RGL2: variants seen among roughly 807,000 people sequenced by gnomAD.
RGL2 encodes the protein ral guanine nucleotide dissociation stimulator like 2.
In RGL2, 40 loss-of-function variants were observed where a neutral mutation model predicts 84.6. That is an observed-to-expected ratio of 0.47 (90% CI 0.37 to 0.62). The LOEUF (loss-of-function observed/expected upper bound fraction) is 0.62. Ranked by LOEUF, RGL2 falls within the 20% of genes least tolerant of loss-of-function variation. RGL2 has a pLI of 0.00. For synonymous variants in RGL2, 369 were observed against 417.3 expected, an observed-to-expected ratio of 0.88 and a Z score of 1.41; for missense variants, 865 against 1,019.7, an observed-to-expected ratio of 0.85 and a Z score of 2.07.
chr6:33,292,801 A>G (rs983895112), intron 16 of RGL2, among the ~76,000 whole-genome samples: 1 of 152,264 alleles, frequency 6.6e-6, no homozygotes, highest in African/African-American at 2.4e-5. Context: ...AGGTGTAGCA[A>G]CTAATGCAAA....
In RGL2 at chr6:33,297,000, T is replaced by A; in HGVS notation, c.240+32A>T. On this transcript the variant is annotated intron_variant, in intron 3 of 17. Transcript: ENST00000497454. This position sits in a 1 kb window ranked among gnomAD's most constrained non-coding sequence, Gnocchi z 5.0. ...AGGAAGGAAAACTGGGAATGAAGAGTCAGAGGTGAGAAGCTAAAGTCATGA... is the reference window on the plus strand; with the variant it reads ...AGGAAGGAAAACTGGGAATGAAGAGACAGAGGTGAGAAGCTAAAGTCATGA... 2 of 1,591,542 alleles carry A rather than the reference T, an allele frequency of 1.3e-6. No individual in the cohort carries two copies. Among genetic ancestry groups the A allele is most frequent in the Non-Finnish European group, 1.7e-6 (2 of 1,165,666 alleles).
chr6:33,294,902 G>C lies in RGL2; in HGVS notation c.1278+75C>G. ...TGTGCCTCCCTTACCCATCCTTCAGGCTGCTCCCCCAAAACATACTCCTCA... is the reference window on the plus strand; with the variant it reads ...TGTGCCTCCCTTACCCATCCTTCAGCCTGCTCCCCCAAAACATACTCCTCA... On this transcript the variant is annotated intron_variant, in intron 10 of 17. Coordinates refer to ENST00000497454, the MANE Select transcript of RGL2 (RefSeq NM_004761.5). The surrounding 1 kb of genome is among the most constrained non-coding windows in gnomAD (Gnocchi z 5.0). 2.0e-6 allele frequency: 3 copies of C among 1,511,846 alleles called. No individual in the cohort carries two copies. Among genetic ancestry groups the C allele is most frequent in the South Asian group, 1.2e-5 (1 of 82,808 alleles). The allele number at this position is 1,511,846 out of a possible 1,614,324, so 93.7% of individuals were successfully genotyped here. A position where few individuals can be genotyped will look rare whatever the true frequency, so the allele number is the denominator to read the frequency against.
chr6:33,298,108 C>A lies in RGL2; in HGVS notation c.156+347G>T. The A allele has an allele frequency of 5.3e-6, 1 of 190,382 alleles. No homozygotes were observed. The highest frequency in any genetic ancestry group is 1.1e-5 in the Non-Finnish European group (1 of 92,630). The allele number at this position is 190,382 out of a possible 1,614,324, so 11.8% of individuals were successfully genotyped here. A position where few individuals can be genotyped will look rare whatever the true frequency, so the allele number is the denominator to read the frequency against. On this transcript the variant is annotated intron_variant, in intron 2 of 17. Transcript: ENST00000497454. This position sits in a 1 kb window ranked among gnomAD's most constrained non-coding sequence, Gnocchi z 4.8. ...GGTTACTGTGGAAACAAACCCCTCC[C>A]CGCCAAACAAAAACAAGGAGGGAGA...
chr6:33,293,154 C>A lies in RGL2; in HGVS notation c.1869G>T (p.Pro623=). ...AGGCCTCTTCTGCACCCCCACTCAGCGGGGAGCCACAGGAGGCTGAGCGGC... is the reference window on the plus strand; with the variant it reads ...AGGCCTCTTCTGCACCCCCACTCAGAGGGGAGCCACAGGAGGCTGAGCGGC... ...GHRRSASCGS[P]LSGGAEEASG... Residue 623 remains proline (P), a synonymous_variant, in exon 16 of 18, where the codon CCG becomes CCT. Transcript: ENST00000497454. The surrounding 1 kb of genome is among the most constrained non-coding windows in gnomAD (Gnocchi z 7.0). 6.2e-7 allele frequency: 1 copy of A among 1,609,246 alleles called. No individual in the cohort carries two copies. The highest frequency in any genetic ancestry group is 8.5e-7 in the Non-Finnish European group (1 of 1,177,834).
At position 33,297,167 on chromosome 6, in the gene RGL2, C is replaced by A; in HGVS notation, c.157-52G>T. On this transcript the variant is annotated intron_variant, in intron 2 of 17. Coordinates refer to ENST00000497454, the MANE Select transcript of RGL2 (RefSeq NM_004761.5). The surrounding 1 kb of genome is among the most constrained non-coding windows in gnomAD (Gnocchi z 4.0). ...GACAGTTCCACACCACCCCCCATTG[C>A]CCTCAGCCTTCACCCCAGGCCCTGC... 7.1e-7 allele frequency: 1 copy of A among 1,403,578 alleles called. No individual in the cohort carries two copies. 86.9% of individuals were successfully genotyped at this position (1,403,578 alleles called of 1,614,324 possible). A position where few individuals can be genotyped will look rare whatever the true frequency, so the allele number is the denominator to read the frequency against.
Position 33,296,288 on chromosome 6 carries a change from G to C in RGL2, c.508C>G (p.His170Asp). 1 of 1,613,628 alleles carries C rather than the reference G, an allele frequency of 6.2e-7. No homozygotes were observed. The highest frequency in any genetic ancestry group is 8.5e-7 in the Non-Finnish European group (1 of 1,179,670). The change falls in exon 6 of 18, where the codon CAC becomes GAC. Residue 170 changes from histidine to aspartate, a missense_variant. His to Asp is a moderately conservative substitution (Grantham distance 81, BLOSUM62 -1). Around this residue, in one of 5 missense-constraint regions of RGL2, gnomAD observed 455 missense variants for 507.8 expected, o/e 0.90. Transcript: ENST00000497454. This position sits in a 1 kb window ranked among gnomAD's most constrained non-coding sequence, Gnocchi z 5.0. ...GCCTCAGAGCCAAAATCCTCAGGGT[G>C]AGAGGCCAGCCAGGTTGACAGTACA... is the stretch of plus-strand genomic sequence containing the variant. Reference protein sequence around the residue: ...ISVLSTWLASHPEDFGSEAKG... With the variant: ...ISVLSTWLASDPEDFGSEAKG...
Position 33,297,219 on chromosome 6 carries a change from G to T in RGL2, c.157-104C>A. 1.1e-6 allele frequency: 1 copy of T among 876,158 alleles called. No homozygotes were observed. Among genetic ancestry groups the T allele is most frequent in the Non-Finnish European group, 1.8e-6 (1 of 568,890 alleles). The allele number at this position is 876,158 out of a possible 1,614,324, so 54.3% of individuals were successfully genotyped here. The stretch of plus-strand genomic sequence containing the variant: ...CCTCCCTCTGTACCCCTCACCTGTG[G>T]TGGCAGGGCATAGTACCAGCGAGTG... On this transcript the variant is annotated intron_variant, in intron 2 of 17. Transcript: ENST00000497454. This position sits in a 1 kb window ranked among gnomAD's most constrained non-coding sequence, Gnocchi z 4.0.
rs966179675 is a variant in RGL2 at position 33,297,808 on chromosome 6, G to A, written c.156+647C>T. On this transcript the variant is annotated intron_variant, in intron 2 of 17. Coordinates refer to ENST00000497454, the MANE Select transcript of RGL2 (RefSeq NM_004761.5). This position sits in a 1 kb window ranked among gnomAD's most constrained non-coding sequence, Gnocchi z 4.0. ...TCAACCTGCCCTCACCTAGGATCTG[G>A]ACCTAGGAGTTTAGGGCCTCGGGGC... 1 of 152,422 alleles carries A rather than the reference G, an allele frequency of 6.6e-6. No homozygotes were observed. Among genetic ancestry groups the A allele is most frequent in the African/African-American group, 2.4e-5 (1 of 41,552 alleles). The allele number at this position is 152,422 out of a possible 1,614,324, so 9.4% of individuals were successfully genotyped here. A position where few individuals can be genotyped will look rare whatever the true frequency, so the allele number is the denominator to read the frequency against.
chr6:33,297,321 G>A lies in RGL2; in HGVS notation c.157-206C>T. 7.8e-6 allele frequency: 4 copies of A among 511,802 alleles called. No individual in the cohort carries two copies. The highest frequency in any genetic ancestry group is 1.0e-5 in the Non-Finnish European group (3 of 291,366). The allele number at this position is 511,802 out of a possible 1,614,324, so 31.7% of individuals were successfully genotyped here. ...AGACAGCCCCACCCCAGCCGCCTCA[G>A]GGCCCCGGTGGAGTCGAAGGGGCTG... On this transcript the variant is annotated intron_variant, in intron 2 of 17. Coordinates refer to ENST00000497454, the MANE Select transcript of RGL2 (RefSeq NM_004761.5). This position sits in a 1 kb window ranked among gnomAD's most constrained non-coding sequence, Gnocchi z 4.0.
rs1455677809 is a variant in RGL2, at chr6:33,298,158, G to C, written c.156+297C>G. The C allele has an allele frequency of 9.4e-6, 3 of 318,282 alleles. No homozygotes were observed. The highest frequency in any genetic ancestry group is 1.8e-5 in the Non-Finnish European group (3 of 170,292). The allele number at this position is 318,282 out of a possible 1,614,324, so 19.7% of individuals were successfully genotyped here. A position where few individuals can be genotyped will look rare whatever the true frequency, so the allele number is the denominator to read the frequency against. ...ACAGGGACCAAGACACGACTGCTCA[G>C]AGAGGTAGGCACACTCAGGCAGGCA... On this transcript the variant is annotated intron_variant, in intron 2 of 17. Coordinates refer to ENST00000497454, the MANE Select transcript of RGL2 (RefSeq NM_004761.5). This position sits in a 1 kb window ranked among gnomAD's most constrained non-coding sequence, Gnocchi z 4.8.
In RGL2 at chr6:33,293,880, T is replaced by C; in HGVS notation, c.1423A>G (p.Asn475Asp). 1.9e-6 allele frequency: 3 copies of C among 1,614,032 alleles called. 1 individual carries two copies. The highest frequency in any genetic ancestry group is 3.3e-4 in the Middle Eastern group (2 of 6,062). The change falls in exon 13 of 18, where the codon AAT (asparagine) becomes GAT (aspartate). Residue 475 changes from asparagine (N) to aspartate (D), a missense_variant. Transcript: ENST00000497454. The surrounding 1 kb of genome is among the most constrained non-coding windows in gnomAD (Gnocchi z 7.0). Reference protein sequence around the residue: ...AVLSELRRLQNECRGYNLQPD... With the variant: ...AVLSELRRLQDECRGYNLQPD... ...TGGAGGTTATAGCCACGACATTCATTCTGGAGCCGTCGCAACTCAGAAAGG... is the reference window on the plus strand; with the variant it reads ...TGGAGGTTATAGCCACGACATTCATCCTGGAGCCGTCGCAACTCAGAAAGG...
chr6:33,296,979 A>G lies in RGL2; in HGVS notation c.240+53T>C. ...TCTGGCCAGAAAGTCAGCCAGAGGAAGGAAAACTGGGAATGAAGAGTCAGA... is the reference window on the plus strand; with the variant it reads ...TCTGGCCAGAAAGTCAGCCAGAGGAGGGAAAACTGGGAATGAAGAGTCAGA... On this transcript the variant is annotated intron_variant, in intron 3 of 17. Transcript: ENST00000497454. This position sits in a 1 kb window ranked among gnomAD's most constrained non-coding sequence, Gnocchi z 5.0. 1 of 1,583,070 alleles carries G rather than the reference A, an allele frequency of 6.3e-7. No homozygotes were observed. Among genetic ancestry groups the G allele is most frequent in the South Asian group, 1.1e-5 (1 of 89,992 alleles).
Position 33,295,567 on chromosome 6 carries a change from G to T in RGL2, c.961C>A (p.Arg321=). 1 of 1,613,932 alleles carries T rather than the reference G, an allele frequency of 6.2e-7. No homozygotes were observed. The highest frequency in any genetic ancestry group is 1.1e-5 in the South Asian group (1 of 91,084). ...GCCCTCTGTGGGGGACGGAGTGGCCGTATGGTCACCTCCCCAGGTCCCTCT... is the reference window on the plus strand; with the variant it reads ...GCCCTCTGTGGGGGACGGAGTGGCCTTATGGTCACCTCCCCAGGTCCCTCT... ...TGEGPGEVTI[R]PLRPPQRARL... is the part of the protein sequence containing the mutation. The change falls in exon 7 of 18, where the codon CGG becomes AGG. Residue 321 remains arginine, a synonymous_variant. Transcript: ENST00000497454. This position sits in a 1 kb window ranked among gnomAD's most constrained non-coding sequence, Gnocchi z 7.2.
chr6:33,295,756 G>T lies in RGL2; in HGVS notation c.772C>A (p.Leu258Ile), dbSNP rs768585676. 2 of 1,613,060 alleles carry T rather than the reference G, an allele frequency of 1.2e-6. No individual in the cohort carries two copies. Among genetic ancestry groups the T allele is most frequent in the Non-Finnish European group, 1.7e-6 (2 of 1,179,614 alleles). Residue 258 changes from leucine (L) to isoleucine (I), a missense_variant, in exon 7 of 18, where the codon CTT (leucine) becomes ATT (isoleucine). Physicochemically the swap from Leu to Ile is conservative, Grantham distance 5 (BLOSUM62 2). Around this residue, in one of 5 missense-constraint regions of RGL2, gnomAD observed 455 missense variants for 507.8 expected, o/e 0.90. Coordinates refer to ENST00000497454, the MANE Select transcript of RGL2 (RefSeq NM_004761.5). The surrounding 1 kb of genome is among the most constrained non-coding windows in gnomAD (Gnocchi z 7.2). ...TGAGAGGGGATCAAATTGAGAAAAA[G>T]TTCCTGCAGGGTAGAGGTCAGAGGT... The part of the protein sequence containing the change: ...AEQLTLLDAE[L>I]FLNLIPSQCL...
chr6:33,296,103 A>C lies in RGL2; in HGVS notation c.693T>G (p.Asp231Glu), dbSNP rs200319600. 136 of 1,613,392 alleles carry C rather than the reference A, an allele frequency of 8.4e-5. 1 individual carries two copies. In the East Asian group the frequency reaches 2.7e-3, roughly 33 times the overall value. ...DLPKPLALPG[D>E]PPADPTDVLV... ...GGACATCCGTGGGGTCAGCAGGGGG[A>C]TCGCCGGGGAGGGCCAGGGGCTTAG... Residue 231 changes from aspartate to glutamate, a missense_variant, in exon 6 of 18, where the codon GAT (aspartate) becomes GAG (glutamate). Physicochemically the swap from Asp to Glu is conservative, Grantham distance 45. Transcript: ENST00000497454. The surrounding 1 kb of genome is among the most constrained non-coding windows in gnomAD (Gnocchi z 5.0).
rs773758886 is a variant in RGL2, at chr6:33,294,060, A to G, written c.1360T>C (p.Tyr454His). 6.2e-7 allele frequency: 1 copy of G among 1,611,100 alleles called. No individual in the cohort carries two copies. The highest frequency in any genetic ancestry group is 1.1e-5 in the South Asian group (1 of 91,044). ...AASKDELENG[Y>H]INFDKRRKEF... The stretch of plus-strand genomic sequence containing the variant: ...TTCCTCCGCTTGTCAAAATTGATGT[A>G]TCCATTCTGCGAGGAAAATGGGGAT... The change falls in exon 12 of 18, where the codon TAC (tyrosine) becomes CAC (histidine). Residue 454 changes from tyrosine to histidine, a missense_variant. Around this residue, in one of 5 missense-constraint regions of RGL2, gnomAD observed 75 missense variants for 130.8 expected, o/e 0.57. Transcript: ENST00000497454. The surrounding 1 kb of genome is among the most constrained non-coding windows in gnomAD (Gnocchi z 5.0).
intron 17 of RGL2, 36 bp from the exon 18 acceptor site, chr6:33,292,349 C>G (rs536846263): frequency 2.5e-6 from 4 of 1,609,738 alleles, no homozygotes; most frequent in African/African-American, 2.7e-5. Context: ...AGCACACACA[C>G]AGTTGTTCCC....
intron 16 of RGL2, 42 bp downstream of exon 16, chr6:33,292,974 G>A (rs377035132): frequency 2.0e-5 from 33 of 1,611,546 alleles, no homozygotes; most frequent in Non-Finnish European, 2.8e-5. Flanking sequence ...AGTCCAACAA[G>A]ACACCATCCT....
chr6:33,292,633 T>A, intron 16 of RGL2, 89 bp from the exon 17 acceptor site: 1 of 1,086,742 alleles, frequency 9.2e-7, no homozygotes, highest in African/African-American at 1.5e-5. Context: ...CACAAAATGT[T>A]ACTTGTGTCC....
Sources: allele counts gnomAD v4.1 joint callset (sites outside exome capture counted in the v4.1 genomes callset), GRCh38; gene constraint gnomAD v4.1.1; regional missense constraint gnomAD v4.1.1; non-coding constraint Gnocchi (gnomAD v3.1); transcripts MANE v1.5; gene names NCBI Gene and HGNC (gene_info 2026-07-23, HGNC 2026-07-21).